Variants in IGFL2 observed in about 807,000 individuals in gnomAD.
IGFL2 encodes IGF like family member 2.
IGFL2 carries 7 observed loss-of-function variants against 13.9 expected under a neutral mutation model. The observed-to-expected ratio is 0.51, with a 90% confidence interval of 0.29 to 0.95. The LOEUF (loss-of-function observed/expected upper bound fraction) is 0.95, where lower values mean the gene tolerates loss of function less well. IGFL2 is among the 40% of genes least tolerant of loss of function. The probability of loss-of-function intolerance (pLI) is 0.08; values close to 1 mark genes in which losing one functional copy is unlikely to be tolerated. For missense variants in IGFL2, 138 were observed against 147.8 expected (o/e 0.93, Z 0.34); for synonymous variants, 55 against 55.8 (o/e 0.99, Z 0.07).
chr19:46,165,748 G>T (rs554346664), downstream of IGFL2, among the ~76,000 whole-genome samples: 1 of 152,366 alleles, frequency 6.6e-6, no homozygotes, highest in East Asian at 1.9e-4. Context: ...TCCACTGATA[G>T]TATCTGGCTT....
downstream of IGFL2, among the ~76,000 whole-genome samples, chr19:46,166,166 A>G (rs930788053): frequency 1.3e-5 from 2 of 152,202 alleles, no homozygotes; most frequent in African/African-American, 2.4e-5. Context: ...CAAGATACCT[A>G]TCGGGGGACC....
the IGFL2 span, among the ~76,000 whole-genome samples, chr19:46,098,725 C>T: frequency 5.9e-5 from 9 of 152,036 alleles, no homozygotes; most frequent in South Asian, 2.1e-4. Context: ...GTGATCCACC[C>T]GCCTCGGCCT....
intron 1 of IGFL2, 170 bp from the exon 2 acceptor site, chr19:46,160,245 G>C (rs1032689297): frequency 1.6e-6 from 1 of 620,636 alleles, no homozygotes; most frequent in Non-Finnish European, 2.9e-6. Context: ...TGGCCCTGCT[G>C]TCTGGACTCT....
chr19:46,093,005 AT>A, the IGFL2 span, among the ~76,000 whole-genome samples: 8 of 152,214 alleles, frequency 5.3e-5, no homozygotes, highest in Admixed American at 6.5e-5. Flanking sequence ...ATGATAAATA[AT>A]TTTTAACTAT....
the IGFL2 span, among the ~76,000 whole-genome samples, chr19:46,096,873 T>C: frequency 6.6e-6 from 1 of 152,238 alleles, no homozygotes; most frequent in South Asian, 2.1e-4. Flanking sequence ...TGAAGCCAGC[T>C]TGATTGTGGT....
the IGFL2 span, among the ~76,000 whole-genome samples, chr19:46,110,036 C>T: frequency 1.3e-5 from 2 of 152,294 alleles, no homozygotes; most frequent in East Asian, 1.9e-4. Flanking sequence ...AAGACATGTT[C>T]GAGTAAGCCT....
At chr19:46,109,385 G>A in the IGFL2 span, among the ~76,000 whole-genome samples, 3 of 151,786 alleles carry the variant, frequency 2.0e-5, no homozygotes, top group African/African-American at 7.3e-5. Context: ...CGCAATCTTG[G>A]CTCACTGCAA....
upstream of IGFL2, among the ~76,000 whole-genome samples, chr19:46,142,377 A>C (rs1324614406): frequency 2.0e-5 from 3 of 152,238 alleles, no homozygotes; most frequent in Admixed American, 2.0e-4. Flanking sequence ...AATACTCTTA[A>C]AAAGCTTTCT....
chr19:46,119,711 AT>A, the IGFL2 span, among the ~76,000 whole-genome samples: 98 of 136,836 alleles, frequency 7.2e-4, 5 homozygotes, highest in African/African-American at 2.6e-3. Flanking sequence ...AATTGGGATA[AT>A]TTCCCTAACC....
At chr19:46,118,614 C>A in the IGFL2 span, among the ~76,000 whole-genome samples, 5 of 152,354 alleles carry the variant, frequency 3.3e-5, no homozygotes, top group African/African-American at 1.2e-4. Flanking sequence ...CATCTGAACC[C>A]TGGGCAGCCT....
chr19:46,160,147 T>G, intron 1 of IGFL2: 6 of 487,506 alleles, frequency 1.2e-5, no homozygotes, highest in Non-Finnish European at 2.2e-5. Context: ...TTCCAACTGG[T>G]AAACTTCAGC....
At chr19:46,169,347 C>T in the IGFL2 span, among the ~76,000 whole-genome samples, 1 of 152,098 alleles carries the variant, frequency 6.6e-6, no homozygotes, top group Admixed American at 6.6e-5. Context: ...AAGATTGTTT[C>T]AATTGAATGC....
chr19:46,197,872 A>G, the IGFL2 span, among the ~76,000 whole-genome samples: 871 of 151,482 alleles, frequency 5.7e-3, 10 homozygotes, highest in African/African-American at 0.02. Flanking sequence ...CCCTCCTCCC[A>G]TCACAGATGG....
chr19:46,079,318 C>G, the IGFL2 span, among the ~76,000 whole-genome samples: 1 of 152,240 alleles, frequency 6.6e-6, no homozygotes, highest in Non-Finnish European at 1.5e-5. Context: ...GTTTTGGCTG[C>G]CCAGGAGGTG....
upstream of IGFL2, among the ~76,000 whole-genome samples, chr19:46,140,245 CTATATA>C (rs10574851): frequency 4.4e-4 from 66 of 148,326 alleles, no homozygotes; most frequent in Non-Finnish European, 5.5e-4. Flanking sequence ...CACGCCCAGC[CTATATA>C]TATATATATA....
chr19:46,129,985 A>T, the IGFL2 span, among the ~76,000 whole-genome samples: 1 of 152,064 alleles, frequency 6.6e-6, no homozygotes, highest in African/African-American at 2.4e-5. Flanking sequence ...CTATTATTGT[A>T]TGGATGTCTA....
chr19:46,183,963 G>A, the IGFL2 span, among the ~76,000 whole-genome samples: 2 of 152,014 alleles, frequency 1.3e-5, no homozygotes, highest in Admixed American at 6.5e-5. Context: ...CCTTCTAGTT[G>A]CATCGGTTTT....
the IGFL2 span, chr19:46,198,141 A>C: frequency 7.4e-6 from 1 of 135,658 alleles, no homozygotes; most frequent in South Asian, 2.4e-4. Flanking sequence ...TCAGGGTCTC[A>C]CTCTGTTGCC....
upstream of IGFL2, among the ~76,000 whole-genome samples, chr19:46,139,414 C>T (rs1271015619): frequency 6.6e-6 from 1 of 151,630 alleles, no homozygotes; most frequent in Non-Finnish European, 1.5e-5. Flanking sequence ...AAGAAAGAAC[C>T]TCTATGCACA....
Sources: gnomAD v4.1 joint callset for allele counts (sites outside exome capture counted in the v4.1 genomes callset) on GRCh38, gnomAD v4.1.1 for gene constraint, MANE v1.5 for transcripts, NCBI Gene and HGNC (gene_info 2026-07-23, HGNC 2026-07-21) for gene names.